The following SPMIP5 variants were observed in gnomAD, a reference collection of about 807,000 sequenced individuals.
SPMIP5 encodes sperm-associated microtubule inner protein 5.
the SPMIP5 span, chr10:116,668,297 T>C: frequency 3.7e-6 from 6 of 1,613,438 alleles, no homozygotes; most frequent in Non-Finnish European, 5.1e-6. Context: ...CTCATGAAGG[T>C]CTTGGAAGGC....
At chr10:116,663,296 T>C in the SPMIP5 span, among the ~76,000 whole-genome samples, 3 of 151,372 alleles carry the variant, frequency 2.0e-5, no homozygotes, top group Non-Finnish European at 2.9e-5. Flanking sequence ...AAGCTAAGAA[T>C]AGATGAGTAA....
chr10:116,666,226 A>G, the SPMIP5 span, among the ~76,000 whole-genome samples: 1 of 152,214 alleles, frequency 6.6e-6, no homozygotes, highest in African/African-American at 2.4e-5. Flanking sequence ...CCCAAATGCA[A>G]TTTGGGATCT....
At chr10:116,664,180 T>C in the SPMIP5 span, 1 of 1,614,102 alleles carries the variant, frequency 6.2e-7, no homozygotes, top group Non-Finnish European at 8.5e-7. Flanking sequence ...TCACCTGGAA[T>C]AGAAAAATCG....
chr10:116,663,846 G>A, the SPMIP5 span: 2 of 1,463,380 alleles, frequency 1.4e-6, no homozygotes, highest in Admixed American at 2.6e-5. Context: ...ATTCCAACAT[G>A]AGAATGGCAG....
the SPMIP5 span, chr10:116,664,762 C>G: frequency 6.2e-7 from 1 of 1,613,924 alleles, no homozygotes; most frequent in Admixed American, 1.7e-5. Flanking sequence ...CAGACTCACT[C>G]TTCATATGGT....
At chr10:116,664,398 T>C in the SPMIP5 span, 2 of 864,724 alleles carry the variant, frequency 2.3e-6, no homozygotes, top group Non-Finnish European at 1.7e-6. Context: ...TTCTTTACAA[T>C]TTATTCTAAA....
chr10:116,667,672 T>C, the SPMIP5 span, among the ~76,000 whole-genome samples: 1 of 152,314 alleles, frequency 6.6e-6, no homozygotes, highest in East Asian at 1.9e-4. Flanking sequence ...CTTAGTAAGT[T>C]CTCAGTAGCC....
At chr10:116,662,774 C>T in the SPMIP5 span, among the ~76,000 whole-genome samples, 1 of 152,118 alleles carries the variant, frequency 6.6e-6, no homozygotes, top group African/African-American at 2.4e-5. Flanking sequence ...TCCTAGTCCC[C>T]GTACTTTATG....
At chr10:116,665,598 G>A in the SPMIP5 span, 1 of 1,607,762 alleles carries the variant, frequency 6.2e-7, no homozygotes, top group South Asian at 1.1e-5. Context: ...TGGTTTCAGG[G>A]CGCTGCTACC....
At chr10:116,665,550 T>C in the SPMIP5 span, 1 of 1,519,358 alleles carries the variant, frequency 6.6e-7, no homozygotes, top group African/African-American at 1.4e-5. Context: ...TCAGCTGGCC[T>C]ATGAGAATCT....
At chr10:116,662,524 T>C in the SPMIP5 span, among the ~76,000 whole-genome samples, 1 of 152,312 alleles carries the variant, frequency 6.6e-6, no homozygotes, top group Admixed American at 6.5e-5. Context: ...CATGGAATCA[T>C]GGGAGCCCAG....
At chr10:116,666,246 G>A in the SPMIP5 span, among the ~76,000 whole-genome samples, 1 of 152,072 alleles carries the variant, frequency 6.6e-6, no homozygotes, top group East Asian at 1.9e-4. Flanking sequence ...TTTCTTGCCG[G>A]ACCATCAGGA....
chr10:116,667,276 G>A, the SPMIP5 span, among the ~76,000 whole-genome samples: 2,351 of 152,300 alleles, frequency 0.015, 54 homozygotes, highest in African/African-American at 0.05. Flanking sequence ...CTTCCCTAGC[G>A]CCTTCAGAAA....
the SPMIP5 span, among the ~76,000 whole-genome samples, chr10:116,666,949 T>G: frequency 1.3e-5 from 2 of 152,192 alleles, no homozygotes; most frequent in Non-Finnish European, 2.9e-5. Context: ...TGGTATCCCA[T>G]GTAGTGGGTT....
the SPMIP5 span, chr10:116,664,553 C>G: frequency 1.9e-6 from 2 of 1,032,362 alleles, no homozygotes; most frequent in Non-Finnish European, 2.7e-6. Context: ...ACAGGTAGAG[C>G]TGCTGGGGAA....
the SPMIP5 span, among the ~76,000 whole-genome samples, chr10:116,666,531 A>C: frequency 6.6e-6 from 1 of 152,230 alleles, no homozygotes; most frequent in South Asian, 2.1e-4. Flanking sequence ...AAATAAATAA[A>C]TCTCTCTCCT....
the SPMIP5 span, chr10:116,663,707 A>G: frequency 1.7e-6 from 1 of 573,426 alleles, no homozygotes; most frequent in East Asian, 3.1e-5. Flanking sequence ...GCGGAGAAGC[A>G]GCCTCTTTAT....
the SPMIP5 span, among the ~76,000 whole-genome samples, chr10:116,668,933 G>GCGCGCACACACACACACA: frequency 7.4e-6 from 1 of 135,282 alleles, no homozygotes; most frequent in African/African-American, 2.9e-5. Context: ...GCACACACAT[G>GCGCGCACACACACACACA]CACACACACA....
At chr10:116,667,577 C>A in the SPMIP5 span, among the ~76,000 whole-genome samples, 4 of 152,192 alleles carry the variant, frequency 2.6e-5, no homozygotes, top group African/African-American at 9.6e-5. Flanking sequence ...GAATATCACC[C>A]AAGTACTATT....
Sources: gnomAD v4.1 joint callset for allele counts (sites outside exome capture counted in the v4.1 genomes callset) on GRCh38, gnomAD v4.1.1 for gene constraint, MANE v1.5 for transcripts, NCBI Gene and HGNC (gene_info 2026-07-23, HGNC 2026-07-21) for gene names.